Variants in LDAH observed in about 807,000 individuals in gnomAD.
LDAH encodes lipid droplet-associated hydrolase.
A neutral mutation model predicts 29.6 loss-of-function variants in LDAH; 26 were observed. The ratio of observed to expected loss-of-function variants is 0.88; its 90% CI spans 0.64 to 1.22. LDAH has a LOEUF of 1.22. Among genes scored for constraint, LDAH ranks in the 50% most tolerant of loss-of-function variants. The probability of loss-of-function intolerance (pLI) is 0.00; values close to 1 mark genes in which losing one functional copy is unlikely to be tolerated. For missense variants in LDAH, 344 were observed against 387.3 expected (o/e 0.89, Z 0.94); for synonymous variants, 117 against 133.0 (o/e 0.88, Z 0.83).
intron 1 of LDAH, among the ~76,000 whole-genome samples, chr2:20,817,299 A>C (rs1034069910): frequency 6.6e-6 from 1 of 152,076 alleles, no homozygotes. Flanking sequence ...TCACTGAAAA[A>C]GATAAAATGA....
At chr2:20,731,796 T>C (rs150577750) in intron 5 of LDAH, among the ~76,000 whole-genome samples, 93 of 152,184 alleles carry the variant, frequency 6.1e-4, no homozygotes, top group East Asian at 4.2e-3. Flanking sequence ...GTTGAACTTG[T>C]ATTAATTCTC....
intron 6 of LDAH, among the ~76,000 whole-genome samples, chr2:20,689,907 T>A (rs1467785044): frequency 6.6e-6 from 1 of 152,202 alleles, no homozygotes; most frequent in Non-Finnish European, 1.5e-5. Context: ...TGTGAAGTCC[T>A]ATGATAATGG....
At chr2:20,713,116 A>C (rs1186727135) in intron 5 of LDAH, among the ~76,000 whole-genome samples, 2 of 152,210 alleles carry the variant, frequency 1.3e-5, no homozygotes, top group African/African-American at 4.8e-5. Context: ...AATGAAGGAA[A>C]AAATGTTAAG....
At chr2:20,720,738 G>A (rs1010087879) in intron 5 of LDAH, among the ~76,000 whole-genome samples, 9 of 152,122 alleles carry the variant, frequency 5.9e-5, no homozygotes, top group African/African-American at 1.9e-4. Context: ...TTTAAATCAT[G>A]CTACAAAGCT....
chr2:20,714,841 G>C (rs927207618), intron 5 of LDAH, among the ~76,000 whole-genome samples: 9 of 152,132 alleles, frequency 5.9e-5, no homozygotes, highest in Non-Finnish European at 1.0e-4. Context: ...GGAAGAAGTG[G>C]AATCTCTGAA....
chr2:20,818,269 A>C (rs1290701218), intron 1 of LDAH, among the ~76,000 whole-genome samples: 2 of 152,130 alleles, frequency 1.3e-5, no homozygotes, highest in Non-Finnish European at 2.9e-5. Flanking sequence ...CAATTCTCTC[A>C]AAACAAAAAG....
In LDAH at chr2:20,720,945, C is replaced by A. The variant is rs185173901; in HGVS notation, c.703+19026G>T. Among the ~76,000 whole-genome samples the A allele has an allele frequency of 2.0e-3, 307 of 152,140 alleles. 1 individual carries two copies. The highest frequency in any genetic ancestry group is 6.9e-3 in the African/African-American group (288 of 41,520). ...GATATCCATATGCAGAAGAATGAAG[C>A]TAGATCGATCCTATCTTTTACCATA... is the stretch of plus-strand genomic sequence containing the variant. On this transcript the variant is annotated intron_variant, in intron 5 of 6. Transcript: ENST00000237822.
intron 5 of LDAH, among the ~76,000 whole-genome samples, chr2:20,715,305 A>G (rs931622015): frequency 6.9e-6 from 1 of 144,166 alleles, no homozygotes; most frequent in Non-Finnish European, 1.6e-5. Context: ...ATAGATGCGG[A>G]AAAGGCCTTT....
At chr2:20,802,180 C>T (rs922146527) in intron 1 of LDAH, among the ~76,000 whole-genome samples, 1 of 152,006 alleles carries the variant, frequency 6.6e-6, no homozygotes, top group Non-Finnish European at 1.5e-5. Flanking sequence ...CTGCCTCAGC[C>T]TCCTGAGTAG....
intron 4 of LDAH, among the ~76,000 whole-genome samples, chr2:20,768,138 C>A (rs562028209): frequency 2.0e-5 from 3 of 152,210 alleles, no homozygotes. Flanking sequence ...TCTTCCTGGT[C>A]GCAGAACAAG....
At chr2:20,720,475 C>T (rs1446902931) in intron 5 of LDAH, among the ~76,000 whole-genome samples, 1 of 151,986 alleles carries the variant, frequency 6.6e-6, no homozygotes, top group African/African-American at 2.4e-5. Context: ...GGAAAGGACA[C>T]ACACACAAAG....
At chr2:20,735,308 C>T (rs1666697578) in intron 5 of LDAH, among the ~76,000 whole-genome samples, 1 of 151,932 alleles carries the variant, frequency 6.6e-6, no homozygotes, top group Non-Finnish European at 1.5e-5. Context: ...TCCTTTTTTT[C>T]CCCTTTTTAG....
At chr2:20,713,727 T>A (rs192415604) in intron 5 of LDAH, among the ~76,000 whole-genome samples, 54 of 152,040 alleles carry the variant, frequency 3.6e-4, no homozygotes, top group African/African-American at 1.3e-3. Flanking sequence ...AAAGCAGGGA[T>A]TGCAATCCTC....
chr2:20,766,911 G>C (rs926777733), intron 4 of LDAH, among the ~76,000 whole-genome samples: 4 of 152,176 alleles, frequency 2.6e-5, no homozygotes, highest in Non-Finnish European at 5.9e-5. Flanking sequence ...CCTCAGGAGG[G>C]GGCTCTGCGC....
At chr2:20,784,448 T>C (rs1365369615) in intron 3 of LDAH, among the ~76,000 whole-genome samples, 2 of 152,110 alleles carry the variant, frequency 1.3e-5, no homozygotes, top group African/African-American at 2.4e-5. Flanking sequence ...GTTGAATTAA[T>C]AGCTATCATA....
intron 4 of LDAH, among the ~76,000 whole-genome samples, chr2:20,758,937 AAT>A (rs2124942886): frequency 2.0e-5 from 3 of 152,344 alleles, no homozygotes; most frequent in East Asian, 3.9e-4. Context: ...AGATAACCAG[AAT>A]ATGTCCTTAA....
intron 5 of LDAH, among the ~76,000 whole-genome samples, chr2:20,722,055 G>A (rs968435212): frequency 2.6e-5 from 4 of 152,196 alleles, no homozygotes; most frequent in Non-Finnish European, 5.9e-5. Context: ...AATATTGCAT[G>A]TTCTCATTCC....
intron 4 of LDAH, among the ~76,000 whole-genome samples, chr2:20,766,114 C>A (rs181673232): frequency 6.6e-6 from 1 of 151,150 alleles, no homozygotes; most frequent in Non-Finnish European, 1.5e-5. Context: ...GATATACATT[C>A]GACATTATAA....
At chr2:20,715,151 A>T (rs990291400) in intron 5 of LDAH, among the ~76,000 whole-genome samples, 1 of 152,222 alleles carries the variant, frequency 6.6e-6, no homozygotes, top group Non-Finnish European at 1.5e-5. Context: ...GGCAAACCGA[A>T]TCCAGCAGCA....
Sources: allele counts gnomAD v4.1 joint callset (sites outside exome capture counted in the v4.1 genomes callset), GRCh38; gene constraint gnomAD v4.1.1; transcripts MANE v1.5; gene names NCBI Gene and HGNC (gene_info 2026-07-23, HGNC 2026-07-21).